The following FBXW8 variants were observed in gnomAD, a reference collection of about 807,000 sequenced individuals.
The protein encoded by FBXW8 is F-box/WD repeat-containing protein 8.
FBXW8 carries 57 observed loss-of-function variants against 65.3 expected under a neutral mutation model. The ratio of observed to expected loss-of-function variants is 0.87; its 90% confidence interval spans 0.71 to 1.09. The LOEUF is 1.09. Ranked by LOEUF, FBXW8 falls within the 50% of genes least tolerant of loss-of-function variation. The pLI is 0.00. For missense variants in FBXW8, 777 were observed against 814.8 expected (o/e 0.95, Z 0.57); for synonymous variants, 308 against 330.2 (o/e 0.93, Z 0.73).
At position 116,936,364 on chromosome 12, in the gene FBXW8, C is replaced by T. The variant is rs371845259; in HGVS notation, c.423+8237C>T. 1.1e-4 allele frequency among the ~76,000 whole-genome samples: 16 copies of T among 152,308 alleles called. No individual in the cohort carries two copies. Among genetic ancestry groups the T allele is most frequent in the East Asian group, 3.9e-4 (2 of 5,188 alleles). On this transcript the variant is annotated intron_variant, in intron 2 of 10. Transcript: ENST00000652555. The surrounding 1 kb of genome is among the most constrained non-coding windows in gnomAD (Gnocchi z 4.6). ...ATAATGGCCCTCCCAAATATGCTGA[C>T]GTCCTAATCCCTGAATCCCACCAGT...
At chr12:116,911,733 T>C (rs1879961797) in intron 1 of FBXW8, among the ~76,000 whole-genome samples, 1 of 152,120 alleles carries the variant, frequency 6.6e-6, no homozygotes, top group Non-Finnish European at 1.5e-5. Flanking sequence ...GGTTGAGAAA[T>C]CCTGCTCTTG....
At chr12:116,948,350 A>G (rs1262581375) in intron 3 of FBXW8, among the ~76,000 whole-genome samples, 2 of 152,000 alleles carry the variant, frequency 1.3e-5, no homozygotes, top group Admixed American at 1.3e-4. Flanking sequence ...TTCCCTCCCC[A>G]TATCTCCACT....
rs772381775 is a variant in FBXW8, at chr12:116,985,368, G to A, written c.998G>A (p.Trp333Ter). Residue 333 changes from tryptophan (W) to a stop codon, truncating the protein, a stop_gained, in exon 6 of 11, where the codon TGG (tryptophan) becomes TAG (stop). Transcript: ENST00000652555. LOFTEE classifies it high-confidence loss of function. ...TTATCCCCCAATGAGGAGGGGTACT[G>A]GCAGATAGCTGCGGAATTTGAAGTT... ...VMLSPNEEGY[W>*]QIAAEFEVPK... 3 of 1,611,874 alleles carry A rather than the reference G, an allele frequency of 1.9e-6. No individual in the cohort carries two copies. Among genetic ancestry groups the A allele is most frequent in the Non-Finnish European group, 2.5e-6 (3 of 1,179,528 alleles).
intron 9 of FBXW8, among the ~76,000 whole-genome samples, chr12:117,025,809 G>T (rs895245788): frequency 6.6e-6 from 1 of 151,026 alleles, no homozygotes; most frequent in Non-Finnish European, 1.5e-5. Context: ...AGCCATCCAG[G>T]TCCTCAGGGA....
chr12:116,923,781 C>T (rs1391282752), intron 1 of FBXW8, among the ~76,000 whole-genome samples: 4 of 152,016 alleles, frequency 2.6e-5, no homozygotes, highest in East Asian at 1.9e-4. Flanking sequence ...AGTGCAGTGG[C>T]GCGATCTCGG....
Position 116,961,179 on chromosome 12 carries a change from A to G in FBXW8, c.678-3518A>G, listed in dbSNP as rs1883965484. Among the ~76,000 whole-genome samples the G allele has an allele frequency of 6.6e-6, 1 of 152,184 alleles. No individual in the cohort carries two copies. Among genetic ancestry groups the G allele is most frequent in the South Asian group, 2.1e-4 (1 of 4,830 alleles). On this transcript the variant is annotated intron_variant, in intron 4 of 10. Coordinates refer to ENST00000652555, the MANE Select transcript of FBXW8 (RefSeq NM_153348.3). The surrounding 1 kb of genome is among the most constrained non-coding windows in gnomAD (Gnocchi z 4.4). ...CCTGGCTAATTTTTGCATTTTTAGT[A>G]GAGACGAGGTTTCACCCTGTTGGCC...
chr12:116,949,758 T>C lies in FBXW8; in HGVS notation c.677+52T>C, dbSNP rs746338707. The C allele has an allele frequency of 7.2e-6, 11 of 1,522,206 alleles. No individual in the cohort carries two copies. In the South Asian group the frequency reaches 1.2e-4, roughly 17 times the overall value. The allele number at this position is 1,522,206 out of a possible 1,614,324, so 94.3% of individuals were successfully genotyped here. A position where few individuals can be genotyped will look rare whatever the true frequency, so the allele number is the denominator to read the frequency against. ...CTCTGCATCTGAAGGTCTTTCATTT[T>C]TCTCATACCACCCTCTGAGTACCAG... On this transcript the variant is annotated intron_variant, in intron 4 of 10. Transcript: ENST00000652555.
At chr12:117,011,464 C>T (rs887759583) in intron 8 of FBXW8, among the ~76,000 whole-genome samples, 1 of 152,176 alleles carries the variant, frequency 6.6e-6, no homozygotes, top group African/African-American at 2.4e-5. Flanking sequence ...AATAAGGCCT[C>T]CTAAAATGGC....
intron 7 of FBXW8, among the ~76,000 whole-genome samples, chr12:116,993,098 C>CTTTTTTT (rs71099026): frequency 3.9e-4 from 33 of 85,402 alleles, no homozygotes; most frequent in East Asian, 7.8e-4. Flanking sequence ...TGATTTTTGA[C>CTTTTTTT]TTTTTTTTTT....
rs993702538 is a variant in FBXW8, at chr12:117,009,305, T to C, written c.1240-1018T>C. On this transcript the variant is annotated intron_variant, in intron 7 of 10. Coordinates refer to ENST00000652555, the MANE Select transcript of FBXW8 (RefSeq NM_153348.3). ...CTACTCGGGAGGCTGAGTGGGAGAA[T>C]TGGCTGAGCCCAGGAGTTTGAGGCT... 9.2e-5 allele frequency among the ~76,000 whole-genome samples: 14 copies of C among 151,746 alleles called. No individual in the cohort carries two copies. In the East Asian group the frequency reaches 1.6e-3, roughly 17 times the overall value.
At chr12:116,935,631 A>G (rs1321745571) in intron 2 of FBXW8, among the ~76,000 whole-genome samples, 3 of 152,314 alleles carry the variant, frequency 2.0e-5, no homozygotes, top group East Asian at 1.9e-4. Context: ...AGGCAAAATC[A>G]CTCTAAAAAA....
At chr12:116,972,387 G>A (rs1884691417) in intron 5 of FBXW8, among the ~76,000 whole-genome samples, 1 of 152,190 alleles carries the variant, frequency 6.6e-6, no homozygotes, top group East Asian at 1.9e-4. Context: ...GTGCAGTTTT[G>A]GTTGTAGCGT....
chr12:116,929,500 G>T (rs1881600177), intron 2 of FBXW8, among the ~76,000 whole-genome samples: 1 of 152,002 alleles, frequency 6.6e-6, no homozygotes, highest in Non-Finnish European at 1.5e-5. Context: ...CTCCCAAAGT[G>T]CTGGGATTAC....
Position 116,923,350 on chromosome 12 carries a change from C to T in FBXW8, c.319-4673C>T, listed in dbSNP as rs139722161. Among the ~76,000 whole-genome samples the T allele has an allele frequency of 2.7e-3, 407 of 151,842 alleles. 7 individuals are homozygous for T. Among genetic ancestry groups the T allele is most frequent in the Admixed American group, 0.023 (356 of 15,280 alleles). On this transcript the variant is annotated intron_variant, in intron 1 of 10. Transcript: ENST00000652555. The stretch of plus-strand genomic sequence containing the variant: ...AAAGTCCCCAATAGTGGTAGAGAAT[C>T]GATATCTGAGACATTGTCAAAGAAT...
intron 9 of FBXW8, among the ~76,000 whole-genome samples, chr12:117,025,847 T>A (rs1954215743): frequency 6.6e-6 from 1 of 152,024 alleles, no homozygotes; most frequent in African/African-American, 2.4e-5. Flanking sequence ...CTCCAGTAGA[T>A]CTCATTTTTC....
chr12:116,997,846 C>T (rs1366420278), intron 7 of FBXW8, among the ~76,000 whole-genome samples: 1 of 152,160 alleles, frequency 6.6e-6, no homozygotes, highest in Non-Finnish European at 1.5e-5. Flanking sequence ...GATGGAATCT[C>T]ATTCTATCAC....
Position 116,936,138 on chromosome 12 carries a change from A to G in FBXW8, c.423+8011A>G, listed in dbSNP as rs964474396. Among the ~76,000 whole-genome samples, 1 of 152,242 alleles carries G rather than the reference A, an allele frequency of 6.6e-6. No individual in the cohort carries two copies. The highest frequency in any genetic ancestry group is 2.4e-5 in the African/African-American group (1 of 41,460). On this transcript the variant is annotated intron_variant, in intron 2 of 10. Coordinates refer to ENST00000652555, the MANE Select transcript of FBXW8 (RefSeq NM_153348.3). This position sits in a 1 kb window ranked among gnomAD's most constrained non-coding sequence, Gnocchi z 4.6. ...ATGGGGGTTGCACTTTTGAGTGGCC[A>G]GGGAAGACTTTGCAGAGAAGGTGAG... is the stretch of plus-strand genomic sequence containing the variant.
chr12:116,966,644 G>T (rs977698973), intron 5 of FBXW8, among the ~76,000 whole-genome samples: 1 of 152,170 alleles, frequency 6.6e-6, no homozygotes, highest in African/African-American at 2.4e-5. Context: ...TATATTGTGA[G>T]AATTGTCTTC....
chr12:116,987,841 C>G (rs1885835273), intron 6 of FBXW8, among the ~76,000 whole-genome samples: 1 of 152,162 alleles, frequency 6.6e-6, no homozygotes, highest in East Asian at 1.9e-4. Context: ...ATCCACTTCC[C>G]TCCTTGAAGG....
Sources: gnomAD v4.1 joint callset for allele counts (sites outside exome capture counted in the v4.1 genomes callset) on GRCh38, gnomAD v4.1.1 for gene constraint, Gnocchi (gnomAD v3.1) non-coding constraint, MANE v1.5 for transcripts, NCBI Gene and HGNC (gene_info 2026-07-23, HGNC 2026-07-21) for gene names.